The following CSMD1 variants were observed in gnomAD, a reference collection of about 807,000 sequenced individuals.
The protein encoded by CSMD1 is CUB and Sushi multiple domains 1, also known as CUB and sushi domain-containing protein 1.
CSMD1 carries 213 observed loss-of-function variants against 417.5 expected under a neutral mutation model. The observed-to-expected ratio is 0.51, with a 90% CI of 0.46 to 0.57. The LOEUF is 0.57. Ranked by LOEUF, CSMD1 falls within the 20% of genes least tolerant of loss-of-function variation. CSMD1 has a pLI of 0.00. For synonymous variants in CSMD1, 2,862 were observed against 1,736.8 expected (o/e 1.65, Z -16.11); for missense variants, 6,923 against 4,529.7 (o/e 1.53, Z -15.17).
At chr8:4,894,539 C>T (rs911928498) in intron 1 of CSMD1, among the ~76,000 whole-genome samples, 5 of 130,804 alleles carry the variant, frequency 3.8e-5, no homozygotes, top group African/African-American at 9.0e-5. Flanking sequence ...GGGACAACAG[C>T]GAGAACTCAT....
intron 3 of CSMD1, among the ~76,000 whole-genome samples, chr8:4,085,697 C>G (rs955294566): frequency 6.6e-6 from 1 of 151,970 alleles, no homozygotes; most frequent in African/African-American, 2.4e-5. Context: ...TAATATGATC[C>G]CAAATTGTTA....
chr8:4,005,231 C>G (rs1004401599), intron 4 of CSMD1, among the ~76,000 whole-genome samples: 1 of 152,096 alleles, frequency 6.6e-6, no homozygotes, highest in Non-Finnish European at 1.5e-5. Context: ...GAAATCACCA[C>G]TGAAGAACTT....
At chr8:3,055,666 G>C (rs1202982503) in intron 49 of CSMD1, among the ~76,000 whole-genome samples, 1 of 152,162 alleles carries the variant, frequency 6.6e-6, no homozygotes, top group Non-Finnish European at 1.5e-5. Context: ...CTTACATTTG[G>C]TATATCCAAA....
Position 3,065,416 on chromosome 8 carries a change from C to A in CSMD1, c.7475-12769G>T, listed in dbSNP as rs184110304. 2.6e-5 allele frequency among the ~76,000 whole-genome samples: 4 copies of A among 151,680 alleles called. No individual in the cohort carries two copies. In the East Asian group the frequency reaches 5.8e-4, roughly 22 times the overall value. On this transcript the variant is annotated intron_variant, in intron 49 of 69. Coordinates refer to ENST00000635120, the MANE Select transcript of CSMD1 (RefSeq NM_033225.6). ...AAGGTAGATGGATAGATTGCTAAATCAGTAGAGAGATGATAGGAAGATAGA... is the reference window on the plus strand; with the variant it reads ...AAGGTAGATGGATAGATTGCTAAATAAGTAGAGAGATGATAGGAAGATAGA...
At chr8:3,205,172 C>G (rs1162696655) in intron 31 of CSMD1, among the ~76,000 whole-genome samples, 1 of 152,158 alleles carries the variant, frequency 6.6e-6, no homozygotes, top group Non-Finnish European at 1.5e-5. Context: ...CTGACCCACC[C>G]ACTACTTTAT....
intron 56 of CSMD1, among the ~76,000 whole-genome samples, chr8:2,973,855 A>ATGGTAGAGGATGATGGTAGAGGATGG (rs1804678975): frequency 7.2e-6 from 1 of 138,786 alleles, no homozygotes; most frequent in African/African-American, 3.0e-5. Flanking sequence ...GTAGAGGATG[A>ATGGTAGAGGATGATGGTAGAGGATGG]TGGTAGAGGA....
chr8:4,446,581 T>C (rs1798802989), intron 2 of CSMD1, among the ~76,000 whole-genome samples: 1 of 151,878 alleles, frequency 6.6e-6, no homozygotes, highest in Non-Finnish European at 1.5e-5. Context: ...GAAGATGGAG[T>C]CTCATTCTGT....
intron 10 of CSMD1, among the ~76,000 whole-genome samples, chr8:3,547,695 A>G (rs1355994694): frequency 6.6e-6 from 1 of 152,228 alleles, no homozygotes; most frequent in Non-Finnish European, 1.5e-5. Flanking sequence ...AGTTAAATCT[A>G]CTAAGCCTAC....
chr8:4,090,296 C>G (rs1419289609), intron 3 of CSMD1, among the ~76,000 whole-genome samples: 2 of 152,130 alleles, frequency 1.3e-5, no homozygotes, highest in Non-Finnish European at 2.9e-5. Context: ...AAAGTTAAAG[C>G]CACTAGGTAA....
At chr8:3,049,641 C>A (rs562397168) in intron 50 of CSMD1, among the ~76,000 whole-genome samples, 1 of 151,970 alleles carries the variant, frequency 6.6e-6, no homozygotes, top group Non-Finnish European at 1.5e-5. Flanking sequence ...TCACTTTAGG[C>A]GTGAATGGGT....
intron 2 of CSMD1, among the ~76,000 whole-genome samples, chr8:4,452,139 T>A (rs1356781497): frequency 2.0e-5 from 3 of 152,108 alleles, no homozygotes; most frequent in Non-Finnish European, 2.9e-5. Flanking sequence ...AAACACCAGC[T>A]TTCATTGTGC....
At chr8:4,614,864 A>T (rs989366695) in intron 2 of CSMD1, among the ~76,000 whole-genome samples, 1 of 152,228 alleles carries the variant, frequency 6.6e-6, no homozygotes, top group Non-Finnish European at 1.5e-5. Flanking sequence ...AAACCTAAAG[A>T]TATAAAGTAT....
chr8:3,709,153 A>ATTTTTTTTTTTTT (rs10646728), intron 6 of CSMD1, among the ~76,000 whole-genome samples: 1 of 146,212 alleles, frequency 6.8e-6, no homozygotes. Context: ...AAGAAGTTTC[A>ATTTTTTTTTTTTT]TTTTTTTTTT....
At chr8:4,385,168 C>T (rs557802172) in intron 3 of CSMD1, among the ~76,000 whole-genome samples, 1 of 42,906 alleles carries the variant, frequency 2.3e-5, no homozygotes, top group East Asian at 3.3e-4. Flanking sequence ...CTCAGGTGAT[C>T]CTCCCCGTCT....
chr8:3,534,837 G>T (rs945844780), intron 10 of CSMD1, among the ~76,000 whole-genome samples: 2 of 152,274 alleles, frequency 1.3e-5, no homozygotes, highest in South Asian at 4.1e-4. Flanking sequence ...TTTGGGAAAC[G>T]TTGCTCTTTT....
chr8:4,168,568 G>T (rs932981190), intron 3 of CSMD1, among the ~76,000 whole-genome samples: 3 of 151,984 alleles, frequency 2.0e-5, no homozygotes, highest in African/African-American at 7.3e-5. Flanking sequence ...GAAGCAGAAG[G>T]ACAATAGACG....
At chr8:3,752,211 G>T (rs1188210613) in intron 6 of CSMD1, among the ~76,000 whole-genome samples, 1 of 152,042 alleles carries the variant, frequency 6.6e-6, no homozygotes, top group Admixed American at 6.5e-5. Context: ...GGATCGGCCT[G>T]GCCTGGCTCC....
At chr8:3,136,336 A>C (rs1253010960) in intron 41 of CSMD1, among the ~76,000 whole-genome samples, 1 of 147,964 alleles carries the variant, frequency 6.8e-6, no homozygotes, top group Non-Finnish European at 1.5e-5. Context: ...GGCTCACTAC[A>C]AACCCCGGTC....
intron 1 of CSMD1, among the ~76,000 whole-genome samples, chr8:4,802,481 A>G (rs1342502729): frequency 6.6e-6 from 1 of 151,436 alleles, no homozygotes; most frequent in Admixed American, 6.6e-5. Context: ...ACGAAATCAA[A>G]CAATAAAAAC....
Sources: gnomAD v4.1 joint callset for allele counts (sites outside exome capture counted in the v4.1 genomes callset) on GRCh38, gnomAD v4.1.1 for gene constraint, MANE v1.5 for transcripts, NCBI Gene and HGNC (gene_info 2026-07-23, HGNC 2026-07-21) for gene names.